The following RAPGEF4 variants were observed in gnomAD, a reference collection of about 807,000 sequenced individuals.
The protein encoded by RAPGEF4 is RAP guanine-nucleotide-exchange factor (GEF) 4.
In RAPGEF4, 66 loss-of-function variants were observed where a neutral mutation model predicts 147.9. The ratio of observed to expected loss-of-function variants is 0.45; its 90% CI spans 0.37 to 0.55. The LOEUF (loss-of-function observed/expected upper bound fraction) is 0.55. Ranked by LOEUF, RAPGEF4 falls within the 20% of genes least tolerant of loss-of-function variation. RAPGEF4 has a pLI of 0.00. For missense variants in RAPGEF4, 1,071 were observed against 1,257.3 expected (o/e 0.85, Z 2.24); for synonymous variants, 419 against 442.7 (o/e 0.95, Z 0.67).
chr2:172,955,858 C>T (rs1234925421), intron 6 of RAPGEF4, among the ~76,000 whole-genome samples: 1 of 152,048 alleles, frequency 6.6e-6, no homozygotes, highest in Non-Finnish European at 1.5e-5. Context: ...CCTGCCCAGC[C>T]CTGTGGCCAC....
At chr2:173,035,204 A>G (rs544644241) in intron 27 of RAPGEF4, among the ~76,000 whole-genome samples, 1 of 151,522 alleles carries the variant, frequency 6.6e-6, no homozygotes, top group Admixed American at 6.6e-5. Context: ...ATAATTTTTT[A>G]TTTTTTAAAA....
chr2:172,977,255 G>A (rs1691171774), intron 10 of RAPGEF4, among the ~76,000 whole-genome samples: 2 of 152,134 alleles, frequency 1.3e-5, no homozygotes, highest in Non-Finnish European at 2.9e-5. Flanking sequence ...GAACAGTCTG[G>A]GGGCTGATTT....
chr2:172,963,284 A>G (rs1019475896), intron 8 of RAPGEF4, among the ~76,000 whole-genome samples: 30 of 152,194 alleles, frequency 2.0e-4, no homozygotes, highest in African/African-American at 7.2e-4. Context: ...CCCCCTACAT[A>G]CTGCTATAAT....
chr2:172,922,196 G>T (rs1684837704), intron 5 of RAPGEF4, 85 bp from the exon 6 acceptor site: 1 of 1,285,282 alleles, frequency 7.8e-7, no homozygotes, highest in Non-Finnish European at 1.1e-6. Context: ...AATTTTACTT[G>T]GTTTGGTTCA....
intron 1 of RAPGEF4, among the ~76,000 whole-genome samples, chr2:172,787,891 A>G (rs1360777419): frequency 6.6e-6 from 1 of 152,182 alleles, no homozygotes; most frequent in Non-Finnish European, 1.5e-5. Flanking sequence ...AAATGCTGGA[A>G]TTACAGGTGT....
intron 4 of RAPGEF4, among the ~76,000 whole-genome samples, chr2:172,827,552 C>A (rs1334780650): frequency 6.6e-6 from 1 of 152,054 alleles, no homozygotes; most frequent in Admixed American, 6.6e-5. Context: ...CCTCAAGCCT[C>A]AGCAGCATAA....
intron 4 of RAPGEF4, among the ~76,000 whole-genome samples, chr2:172,886,533 G>T (rs1697239158): frequency 6.6e-6 from 1 of 152,136 alleles, no homozygotes; most frequent in African/African-American, 2.4e-5. Flanking sequence ...TTCCATGAAT[G>T]CATTTCTTCC....
intron 4 of RAPGEF4, chr2:172,917,500 TG>T: frequency 1.6e-6 from 1 of 626,386 alleles, no homozygotes; most frequent in Non-Finnish European, 3.0e-6. Context: ...TTTGTGGGGT[TG>T]GGGAGGGGTG....
intron 4 of RAPGEF4, among the ~76,000 whole-genome samples, chr2:172,816,939 C>G (rs1466827244): frequency 2.0e-5 from 3 of 152,190 alleles, no homozygotes; most frequent in African/African-American, 7.2e-5. Flanking sequence ...ATTGTCTAAA[C>G]TGAAAATGCA....
chr2:172,896,008 C>T (rs566373691), intron 4 of RAPGEF4, among the ~76,000 whole-genome samples: 6 of 152,216 alleles, frequency 3.9e-5, no homozygotes, highest in East Asian at 1.9e-4. Context: ...GTGAAATAAA[C>T]GAGCAGTGAA....
At chr2:172,793,321 T>A (rs539029524) in intron 1 of RAPGEF4, among the ~76,000 whole-genome samples, 3 of 152,340 alleles carry the variant, frequency 2.0e-5, no homozygotes, top group Admixed American at 2.0e-4. Context: ...GCACAGGTGC[T>A]GAGTATCAGG....
intron 18 of RAPGEF4, among the ~76,000 whole-genome samples, chr2:173,015,815 G>T (rs1362713514): frequency 1.3e-5 from 2 of 152,138 alleles, no homozygotes; most frequent in Non-Finnish European, 2.9e-5. Flanking sequence ...AGACCATGCT[G>T]CATCTTACCA....
chr2:172,776,352 A>C (rs1404133785), intron 1 of RAPGEF4, among the ~76,000 whole-genome samples: 1 of 152,186 alleles, frequency 6.6e-6, no homozygotes, highest in Non-Finnish European at 1.5e-5. Flanking sequence ...AGGGGAAATA[A>C]ATCCCACCTC....
At chr2:173,020,298 T>C (rs1695950126) in intron 22 of RAPGEF4, among the ~76,000 whole-genome samples, 1 of 137,068 alleles carries the variant, frequency 7.3e-6, no homozygotes, top group African/African-American at 2.7e-5. Context: ...GATTACCATC[T>C]GGAAACATAA....
intron 1 of RAPGEF4, chr2:172,744,535 A>T (rs771049081): frequency 8.0e-4 from 296 of 372,168 alleles, no homozygotes; most frequent in Non-Finnish European, 1.3e-3. Flanking sequence ...TTTTAATTTT[A>T]TTGATGGTGT....
chr2:172,742,906 G>A (rs1237284534), intron 1 of RAPGEF4, among the ~76,000 whole-genome samples: 1 of 152,158 alleles, frequency 6.6e-6, no homozygotes, highest in African/African-American at 2.4e-5. Flanking sequence ...GAAAAGTGGT[G>A]CTTAGCAAAG....
intron 4 of RAPGEF4, among the ~76,000 whole-genome samples, chr2:172,907,365 C>T (rs1466823187): frequency 6.6e-6 from 1 of 152,182 alleles, no homozygotes; most frequent in Non-Finnish European, 1.5e-5. Flanking sequence ...GAGCCACAGG[C>T]ACTTACTTTG....
rs745954129 is a variant in RAPGEF4, at chr2:172,884,522, G to A, written c.445-33280G>A. 1.5e-4 allele frequency among the ~76,000 whole-genome samples: 23 copies of A among 152,308 alleles called. No homozygotes were observed. In the East Asian group the frequency reaches 2.1e-3, roughly 14 times the overall value. On this transcript the variant is annotated intron_variant, in intron 4 of 30. Coordinates refer to ENST00000397081, the MANE Select transcript of RAPGEF4 (RefSeq NM_007023.4). ...CTCATACTACTTGTCAGCATAGTGCGTGCTTGAACCAGCTGGAGATTCCAA... is the reference window on the plus strand; with the variant it reads ...CTCATACTACTTGTCAGCATAGTGCATGCTTGAACCAGCTGGAGATTCCAA...
chr2:172,893,412 A>G (rs1472035138), intron 4 of RAPGEF4, among the ~76,000 whole-genome samples: 3 of 152,214 alleles, frequency 2.0e-5, no homozygotes, highest in Admixed American at 6.5e-5. Flanking sequence ...GACAAGGAGC[A>G]TTGCTGAAAC....
Sources: gnomAD v4.1 joint callset for allele counts (sites outside exome capture counted in the v4.1 genomes callset) on GRCh38, gnomAD v4.1.1 for gene constraint, MANE v1.5 for transcripts, NCBI Gene and HGNC (gene_info 2026-07-23, HGNC 2026-07-21) for gene names.